Variants in ZRANB1 observed in about 807,000 individuals in gnomAD.
ZRANB1 encodes ubiquitin thioesterase ZRANB1.
Under a neutral mutation model 80.5 loss-of-function variants are expected in ZRANB1, and 16 were observed. That is an observed-to-expected ratio of 0.20 (90% CI 0.13 to 0.30). The LOEUF is 0.30. ZRANB1 is among the 10% of genes least tolerant of loss of function. The probability of loss-of-function intolerance (pLI) is 1.00; values close to 1 mark genes in which losing one functional copy is unlikely to be tolerated. For missense variants in ZRANB1, 576 were observed against 862.6 expected (o/e 0.67, Z 4.16); for synonymous variants, 291 against 293.1 (o/e 0.99, Z 0.07).
At chr10:124,937,708 C>T (rs1951500561), upstream of ZRANB1, among the ~76,000 whole-genome samples, 1 of 152,168 alleles carries the variant, frequency 6.6e-6, no homozygotes, top group South Asian at 2.1e-4. Flanking sequence ...TATTTCTGCA[C>T]TTTTATTATC....
At chr10:124,950,020 T>C (rs1007974030) in intron 1 of ZRANB1, among the ~76,000 whole-genome samples, 1 of 152,208 alleles carries the variant, frequency 6.6e-6, no homozygotes, top group Non-Finnish European at 1.5e-5. Flanking sequence ...ATCATGAGGA[T>C]TATAATTCTG....
the ZRANB1 span, among the ~76,000 whole-genome samples, chr10:124,923,930 C>G: frequency 3.3e-5 from 5 of 149,486 alleles, no homozygotes; most frequent in Middle Eastern, 3.4e-3. Flanking sequence ...TAGCAAGACC[C>G]TATCTCTTAC....
At chr10:124,943,335 C>G in intron 1 of ZRANB1, 28 bp downstream of exon 1, 2 of 1,581,052 alleles carry the variant, frequency 1.3e-6, no homozygotes, top group Non-Finnish European at 1.7e-6. Context: ...GCATTTTTTG[C>G]GTGGGATGGG....
chr10:124,966,645 G>C lies in ZRANB1; in HGVS notation c.866G>C (p.Gly289Ala). The C allele has an allele frequency of 6.2e-7, 1 of 1,614,170 alleles. No individual in the cohort carries two copies. Among genetic ancestry groups the C allele is most frequent in the East Asian group, 2.2e-5 (1 of 44,876 alleles). Residue 289 changes from glycine to alanine, a missense_variant, in exon 2 of 9, where the codon GGA (glycine) becomes GCA (alanine). Coordinates refer to ENST00000359653, the MANE Select transcript of ZRANB1 (RefSeq NM_017580.3). ...ATAGAAGCATACAAGTCATCAGGAG[G>C]AGACATTGCACGTCAGCTCACCGCA... ...AAIEAYKSSG[G>A]DIARQLTADE... is the part of the protein sequence containing the mutation.
chr10:124,960,649 G>C (rs1046251584), intron 1 of ZRANB1, among the ~76,000 whole-genome samples: 1 of 152,042 alleles, frequency 6.6e-6, no homozygotes, highest in Non-Finnish European at 1.5e-5. Flanking sequence ...TGAAATCCTG[G>C]GCTCTAAGCG....
Position 124,942,412 on chromosome 10 carries a change from G to A in ZRANB1, c.-82G>A. ...GCTTTTTGGGCAGCGTATTTTTGGA[G>A]GTGGAATGTAGTTATTTTAATAACC... On this transcript the variant is annotated 5_prime_UTR_variant, in exon 1 of 9. Coordinates refer to ENST00000359653, the MANE Select transcript of ZRANB1 (RefSeq NM_017580.3). 2 of 1,564,804 alleles carry A rather than the reference G, an allele frequency of 1.3e-6. No homozygotes were observed. The highest frequency in any genetic ancestry group is 1.8e-5 in the Admixed American group (1 of 54,728).
rs1952067396 is a variant in ZRANB1, at chr10:124,987,101, CAT to C, written c.*2111_*2112del. On this transcript the variant is annotated 3_prime_UTR_variant, in exon 9 of 9. Coordinates refer to ENST00000359653, the MANE Select transcript of ZRANB1 (RefSeq NM_017580.3). ...CAGGAATGGGGCTCTAAATGGTTTT[CAT>C]AGACTGGCTGTTAAAGGCCAAAAAT... 1 of 152,586 alleles carries C rather than the reference CAT, an allele frequency of 6.6e-6. No homozygotes were observed. The allele number at this position is 152,586 out of a possible 1,614,324, so 9.5% of individuals were successfully genotyped here.
At chr10:124,978,850 G>T (rs1201922604) in intron 5 of ZRANB1, among the ~76,000 whole-genome samples, 2 of 120,974 alleles carry the variant, frequency 1.7e-5, no homozygotes, top group African/African-American at 6.5e-5. Flanking sequence ...TCGCTATGTT[G>T]CCCAGGCTGG....
At chr10:124,984,469 A>G (rs1951985783) in intron 8 of ZRANB1, 1 of 305,882 alleles carries the variant, frequency 3.3e-6, no homozygotes, top group Admixed American at 4.7e-5. Flanking sequence ...CATGTGTTTG[A>G]AGCTGTGGCT....
At chr10:124,982,093 G>T (rs1049867264) in intron 6 of ZRANB1, among the ~76,000 whole-genome samples, 4 of 152,062 alleles carry the variant, frequency 2.6e-5, no homozygotes, top group African/African-American at 9.7e-5. Context: ...TATATCGAAT[G>T]ATTAAAAACA....
At position 124,965,662 on chromosome 10, in the gene ZRANB1, C is replaced by T. The variant is rs1310088752; in HGVS notation, c.815-932C>T. The stretch of plus-strand genomic sequence containing the variant: ...TGTTCTGTCCAGCAAACACATTTGT[C>T]TTGATGTAATTTAGGAAACACTTAA... On this transcript the variant is annotated intron_variant, in intron 1 of 8. Coordinates refer to ENST00000359653, the MANE Select transcript of ZRANB1 (RefSeq NM_017580.3). Among the ~76,000 whole-genome samples the T allele has an allele frequency of 2.6e-5, 4 of 152,094 alleles. No homozygotes were observed. The East Asian group carries it at 7.7e-4, about 29-fold the overall frequency.
chr10:124,973,177 G>C (rs113524066), intron 3 of ZRANB1, among the ~76,000 whole-genome samples: 24 of 152,198 alleles, frequency 1.6e-4, no homozygotes, highest in African/African-American at 5.8e-4. Context: ...TTTTGAGACA[G>C]GGTCTTACTC....
At chr10:124,919,875 T>G in the ZRANB1 span, among the ~76,000 whole-genome samples, 13 of 141,792 alleles carry the variant, frequency 9.2e-5, no homozygotes, top group South Asian at 4.6e-4. Context: ...CCTCCCAGAC[T>G]GCTGGGATTA....
chr10:124,985,251 TAAA>T lies in ZRANB1; in HGVS notation c.*260_*262del, dbSNP rs1952007359. ...CAGAACTTTTTTTCCTTCCAAATTG[TAAA>T]TCTGTCTATAAATGTAACGCATGTG... On this transcript the variant is annotated 3_prime_UTR_variant, in exon 9 of 9. Transcript: ENST00000359653. 2.6e-6 allele frequency: 1 copy of T among 391,114 alleles called. No homozygotes were observed. Among genetic ancestry groups the T allele is most frequent in the African/African-American group, 2.0e-5 (1 of 49,110 alleles). The allele number at this position is 391,114 out of a possible 1,614,324, so 24.2% of individuals were successfully genotyped here.
chr10:124,978,793 AT>A lies in ZRANB1; in HGVS notation c.1428-2894del, dbSNP rs35714295. 1.3e-3 allele frequency among the ~76,000 whole-genome samples: 151 copies of A among 115,426 alleles called. 1 individual carries two copies. The highest frequency in any genetic ancestry group is 2.3e-3 in the South Asian group (8 of 3,496). 75.7% of individuals were successfully genotyped at this position (115,426 alleles called of 152,430 possible). A position where few individuals can be genotyped will look rare whatever the true frequency, so the allele number is the denominator to read the frequency against. ...AGGCACATGCCAACATTCCCAGCTAATTTTTTTTTTTTTTTTTTTTTTGTAT... is the reference window on the plus strand; with the variant it reads ...AGGCACATGCCAACATTCCCAGCTAATTTTTTTTTTTTTTTTTTTTTGTAT... On this transcript the variant is annotated intron_variant, in intron 5 of 8. Coordinates refer to ENST00000359653, the MANE Select transcript of ZRANB1 (RefSeq NM_017580.3).
chr10:124,968,272 G>T (rs1041922102), intron 2 of ZRANB1, among the ~76,000 whole-genome samples: 12 of 152,178 alleles, frequency 7.9e-5, no homozygotes, highest in African/African-American at 2.9e-4. Flanking sequence ...TTCAAATTTT[G>T]TCAGTATACA....
chr10:124,983,863 G>A lies in ZRANB1; in HGVS notation c.1908+175G>A, dbSNP rs1011111989. On this transcript the variant is annotated intron_variant, in intron 8 of 8. Coordinates refer to ENST00000359653, the MANE Select transcript of ZRANB1 (RefSeq NM_017580.3). This position sits in a 1 kb window ranked among gnomAD's most constrained non-coding sequence, Gnocchi z 6.2. Reference sequence around the variant, plus strand: ...ATTTACCTTTTCAAAACTGCTGTATGGGGACACATCAAGGAACTTAAGGTG... The same window carrying A: ...ATTTACCTTTTCAAAACTGCTGTATAGGGACACATCAAGGAACTTAAGGTG... Among the ~76,000 whole-genome samples the A allele has an allele frequency of 3.9e-5, 6 of 152,308 alleles. No individual in the cohort carries two copies. The highest frequency in any genetic ancestry group is 1.4e-4 in the African/African-American group (6 of 41,570).
the ZRANB1 span, among the ~76,000 whole-genome samples, chr10:124,925,921 G>A: frequency 6.6e-6 from 1 of 152,224 alleles, no homozygotes; most frequent in African/African-American, 2.4e-5. Flanking sequence ...ACAAAACCTA[G>A]ATAGTATAGC....
At chr10:124,980,065 A>T (rs1034308246) in intron 5 of ZRANB1, among the ~76,000 whole-genome samples, 1 of 152,184 alleles carries the variant, frequency 6.6e-6, no homozygotes, top group African/African-American at 2.4e-5. Context: ...TTTGTAAAAA[A>T]GACAGCTGGG....
Sources: gnomAD v4.1 joint callset for allele counts (sites outside exome capture counted in the v4.1 genomes callset) on GRCh38, gnomAD v4.1.1 for gene constraint, Gnocchi (gnomAD v3.1) non-coding constraint, MANE v1.5 for transcripts, NCBI Gene and HGNC (gene_info 2026-07-23, HGNC 2026-07-21) for gene names.